The following GIPC2 variants were observed in gnomAD, a reference collection of about 807,000 sequenced individuals.
The protein encoded by GIPC2 is GIPC PDZ domain containing family member 2, also known as PDZ domain-containing protein GIPC2.
In GIPC2, 30 loss-of-function variants were observed where a neutral mutation model predicts 30.6. The ratio of observed to expected loss-of-function variants is 0.98; its 90% CI spans 0.73 to 1.33. GIPC2 has a LOEUF of 1.33. GIPC2 is among the 40% of genes most tolerant of loss of function. The pLI, the probability that GIPC2 is intolerant of heterozygous loss-of-function variation, is 0.00. For synonymous variants in GIPC2, 167 were observed against 150.0 expected, an observed-to-expected ratio of 1.11 and a Z score of -0.83; for missense variants, 414 against 390.3, an observed-to-expected ratio of 1.06 and a Z score of -0.51.
At chr1:78,090,234 G>T (rs750457880) in intron 2 of GIPC2, among the ~76,000 whole-genome samples, 5 of 152,030 alleles carry the variant, frequency 3.3e-5, no homozygotes, top group Non-Finnish European at 5.9e-5. Flanking sequence ...TCACTCTGTC[G>T]CCCAGGCTGT....
Position 78,051,378 on chromosome 1 carries a change from G to A in GIPC2, c.240+5044G>A, listed in dbSNP as rs144993896. Among the ~76,000 whole-genome samples, 273 of 152,288 alleles carry A rather than the reference G, an allele frequency of 1.8e-3. 1 individual carries two copies. The highest frequency in any genetic ancestry group is 5.6e-3 in the African/African-American group (234 of 41,550). Reference sequence around the variant, plus strand: ...CTTTTACTTGTTTAGATTAGTTTGCGTGTGATATTAGATACCAAATAGTTC... The same window carrying A: ...CTTTTACTTGTTTAGATTAGTTTGCATGTGATATTAGATACCAAATAGTTC... On this transcript the variant is annotated intron_variant, in intron 1 of 5. Transcript: ENST00000370759.
intron 1 of GIPC2, among the ~76,000 whole-genome samples, chr1:78,050,453 T>C (rs1661175133): frequency 6.6e-6 from 1 of 152,120 alleles, no homozygotes; most frequent in African/African-American, 2.4e-5. Flanking sequence ...TGTTATTAAG[T>C]TGAGACAGAT....
chr1:78,073,851 A>G, intron 1 of GIPC2, among the ~76,000 whole-genome samples: 1 of 152,240 alleles, frequency 6.6e-6, no homozygotes, highest in East Asian at 1.9e-4. Flanking sequence ...AAAAAGCAAT[A>G]TTAATTGATA....
intron 1 of GIPC2, among the ~76,000 whole-genome samples, chr1:78,049,697 A>G (rs1661159825): frequency 6.6e-6 from 1 of 152,152 alleles, no homozygotes; most frequent in Non-Finnish European, 1.5e-5. Flanking sequence ...GTAAGCCTAC[A>G]GTGTGTTCAC....
chr1:78,126,718 T>G (rs531787717), intron 5 of GIPC2, among the ~76,000 whole-genome samples: 87 of 152,298 alleles, frequency 5.7e-4, no homozygotes, highest in Middle Eastern at 6.8e-3. Context: ...CCTGGCAGCT[T>G]CAGTCTCTCC....
chr1:78,085,643 C>A (rs1265230619), intron 2 of GIPC2, among the ~76,000 whole-genome samples: 1 of 150,600 alleles, frequency 6.6e-6, no homozygotes, highest in South Asian at 2.1e-4. Flanking sequence ...CTGGTTCAGT[C>A]TTGGGAGAGT....
At chr1:78,112,541 A>G in intron 3 of GIPC2, 1 of 519,014 alleles carries the variant, frequency 1.9e-6, no homozygotes, top group South Asian at 1.4e-5. Context: ...CTCCAGGCCA[A>G]CCAGGGCTCT....
At chr1:78,097,979 A>G (rs1662169429) in intron 3 of GIPC2, among the ~76,000 whole-genome samples, 1 of 152,238 alleles carries the variant, frequency 6.6e-6, no homozygotes, top group Admixed American at 6.5e-5. Context: ...AATCACACAT[A>G]ACATGAAGGG....
intron 1 of GIPC2, among the ~76,000 whole-genome samples, chr1:78,067,437 T>C (rs1364973395): frequency 6.6e-6 from 1 of 152,042 alleles, no homozygotes; most frequent in Non-Finnish European, 1.5e-5. Flanking sequence ...TTTTGCAAAT[T>C]TTTCTTTTCT....
At chr1:78,120,248 C>T (rs1196846857) in intron 4 of GIPC2, among the ~76,000 whole-genome samples, 1 of 152,216 alleles carries the variant, frequency 6.6e-6, no homozygotes, top group African/African-American at 2.4e-5. Flanking sequence ...CATTTCCCAT[C>T]CCTTTGCCGT....
intron 3 of GIPC2, among the ~76,000 whole-genome samples, chr1:78,117,239 G>A (rs934232116): frequency 6.6e-6 from 1 of 152,150 alleles, no homozygotes; most frequent in African/African-American, 2.4e-5. Flanking sequence ...AAGAATGCAG[G>A]CCACTTCATG....
At chr1:78,116,272 T>C (rs756004004) in intron 3 of GIPC2, among the ~76,000 whole-genome samples, 30 of 152,180 alleles carry the variant, frequency 2.0e-4, no homozygotes, top group Non-Finnish European at 4.0e-4. Flanking sequence ...GGTCTCTCCC[T>C]CCACATGTGG....
intron 2 of GIPC2, chr1:78,091,783 T>C: frequency 1.3e-6 from 1 of 776,582 alleles, no homozygotes. Context: ...GGGAGGATAC[T>C]GTTTCCAAAG....
intron 4 of GIPC2, among the ~76,000 whole-genome samples, chr1:78,122,357 G>A (rs1304904528): frequency 6.6e-6 from 1 of 152,140 alleles, no homozygotes; most frequent in African/African-American, 2.4e-5. Flanking sequence ...TTCTGAAAAT[G>A]GTGTAAGATT....
chr1:78,103,028 A>G (rs1018678429), intron 3 of GIPC2, among the ~76,000 whole-genome samples: 13 of 152,238 alleles, frequency 8.5e-5, no homozygotes, highest in African/African-American at 3.1e-4. Flanking sequence ...TAAGTAGGAA[A>G]TCATTTAGTC....
chr1:78,101,409 G>GTAGGTTTTCAACCAGTGTGTT (rs1188305472), intron 3 of GIPC2, among the ~76,000 whole-genome samples: 4 of 152,190 alleles, frequency 2.6e-5, no homozygotes, highest in Non-Finnish European at 1.5e-5. Context: ...AGAACACAAA[G>GTAGGTTTTCAACCAGTGTGTT]TAGAATAGAG....
intron 3 of GIPC2, among the ~76,000 whole-genome samples, chr1:78,104,555 G>C (rs1173690194): frequency 6.6e-6 from 1 of 152,172 alleles, no homozygotes; most frequent in Non-Finnish European, 1.5e-5. Flanking sequence ...GAAATGATCA[G>C]GACTGGGATT....
At chr1:78,105,997 G>A (rs1341342093) in intron 3 of GIPC2, among the ~76,000 whole-genome samples, 1 of 151,888 alleles carries the variant, frequency 6.6e-6, no homozygotes, top group Non-Finnish European at 1.5e-5. Context: ...GCACTTTGGA[G>A]GCTGAGGTGG....
chr1:78,131,890 A>T (rs919957116), intron 5 of GIPC2, among the ~76,000 whole-genome samples: 20 of 152,262 alleles, frequency 1.3e-4, no homozygotes, highest in African/African-American at 4.6e-4. Flanking sequence ...ACTGTATTAC[A>T]TGCAGTATTT....
Sources: gnomAD v4.1 joint callset for allele counts (sites outside exome capture counted in the v4.1 genomes callset) on GRCh38, gnomAD v4.1.1 for gene constraint, MANE v1.5 for transcripts, NCBI Gene and HGNC (gene_info 2026-07-23, HGNC 2026-07-21) for gene names.